ZBTB44: variants seen among roughly 807,000 people sequenced by gnomAD.
ZBTB44 encodes the protein zinc finger and BTB domain containing 44, also known as zinc finger and BTB domain-containing protein 44.
A neutral mutation model predicts 54.0 loss-of-function variants in ZBTB44; 15 were observed. The ratio of observed to expected loss-of-function variants is 0.28; its 90% confidence interval spans 0.19 to 0.43. ZBTB44 has a LOEUF of 0.43. Ranked by LOEUF, ZBTB44 falls within the 20% of genes least tolerant of loss-of-function variation. ZBTB44 has a pLI of 1.00. For missense variants in ZBTB44, 487 were observed against 707.1 expected (o/e 0.69, Z 3.53); for synonymous variants, 230 against 250.1 (o/e 0.92, Z 0.76).
At chr11:130,289,956 C>T (rs1254279913) in intron 1 of ZBTB44, among the ~76,000 whole-genome samples, 1 of 152,172 alleles carries the variant, frequency 6.6e-6, no homozygotes, top group Non-Finnish European at 1.5e-5. Context: ...TGGTCAATGA[C>T]AGGACCAGCT....
chr11:130,244,172 GTTTAAAAGTGAATT>G (rs1160460467), intron 2 of ZBTB44, among the ~76,000 whole-genome samples: 1 of 152,106 alleles, frequency 6.6e-6, no homozygotes, highest in African/African-American at 2.4e-5. Context: ...TTTTCAAACA[GTTTAAAAGTGAATT>G]TTTAAAAACT....
At chr11:130,235,970 A>T (rs985415068) in intron 5 of ZBTB44, 1 of 774,482 alleles carries the variant, frequency 1.3e-6, no homozygotes. Flanking sequence ...TCCATCTCAA[A>T]AAAAAAAAAA....
intron 1 of ZBTB44, chr11:130,295,589 T>C (rs903377372): frequency 3.3e-5 from 24 of 727,668 alleles, no homozygotes; most frequent in South Asian, 4.7e-5. Context: ...GGATACTTCA[T>C]TTGCTTCTCT....
At chr11:130,300,988 A>ATT (rs140140699) in intron 1 of ZBTB44, among the ~76,000 whole-genome samples, 11 of 150,202 alleles carry the variant, frequency 7.3e-5, no homozygotes, top group African/African-American at 2.7e-4. Flanking sequence ...ACTCTCTCAG[A>ATT]TTTTTTTTTT....
chr11:130,238,385 C>T (rs1009479018), intron 4 of ZBTB44, 59 bp downstream of exon 4: 19 of 1,448,442 alleles, frequency 1.3e-5, no homozygotes, highest in Middle Eastern at 3.6e-4. Flanking sequence ...TTAACTGGGA[C>T]TGCAAAATAA....
intron 1 of ZBTB44, among the ~76,000 whole-genome samples, chr11:130,304,545 G>A (rs1236333537): frequency 2.0e-5 from 3 of 152,036 alleles, no homozygotes; most frequent in Non-Finnish European, 4.4e-5. Flanking sequence ...AGACATGGAG[G>A]ATACAGCATG....
chr11:130,235,656 T>C (rs1401282707), intron 5 of ZBTB44, among the ~76,000 whole-genome samples: 1 of 151,472 alleles, frequency 6.6e-6, no homozygotes, highest in Non-Finnish European at 1.5e-5. Flanking sequence ...CAAGACCCTA[T>C]CTATTCAATT....
At chr11:130,307,489 T>C (rs1942343434) in intron 1 of ZBTB44, among the ~76,000 whole-genome samples, 1 of 152,174 alleles carries the variant, frequency 6.6e-6, no homozygotes, top group African/African-American at 2.4e-5. Context: ...TCAATCCATC[T>C]TGATTTTTAC....
chr11:130,259,268 G>A lies in ZBTB44; in HGVS notation c.1018+1588C>T, dbSNP rs187039558. Among the ~76,000 whole-genome samples the A allele has an allele frequency of 1.6e-4, 25 of 152,300 alleles. No homozygotes were observed. In the East Asian group the frequency reaches 4.1e-3, roughly 25 times the overall value. On this transcript the variant is annotated intron_variant, in intron 2 of 7. Coordinates refer to ENST00000357899, the MANE Select transcript of ZBTB44 (RefSeq NM_001301098.2). ...TTTAATGAGATACCATCTCACACCAGTTAGAATGGTGATCATTAAAAAGTC... is the reference window on the plus strand; with the variant it reads ...TTTAATGAGATACCATCTCACACCAATTAGAATGGTGATCATTAAAAAGTC...
chr11:130,243,947 T>C (rs1186320755), intron 2 of ZBTB44, among the ~76,000 whole-genome samples: 1 of 152,114 alleles, frequency 6.6e-6, no homozygotes, highest in African/African-American at 2.4e-5. Flanking sequence ...GCTTAACGTG[T>C]GGGGCAACTT....
intron 1 of ZBTB44, among the ~76,000 whole-genome samples, chr11:130,306,278 G>A (rs1016497191): frequency 6.6e-5 from 10 of 151,916 alleles, no homozygotes; most frequent in Non-Finnish European, 1.2e-4. Flanking sequence ...TGAGGTGGGC[G>A]GATCACCTGA....
intron 1 of ZBTB44, among the ~76,000 whole-genome samples, chr11:130,271,598 A>G (rs1345512119): frequency 6.6e-6 from 1 of 152,254 alleles, no homozygotes. Context: ...GAATGGAATC[A>G]TATAATAATG....
intron 5 of ZBTB44, among the ~76,000 whole-genome samples, chr11:130,234,587 G>A (rs1954023909): frequency 6.6e-6 from 1 of 152,116 alleles, no homozygotes; most frequent in African/African-American, 2.4e-5. Context: ...CAAAACAAAT[G>A]TAGCATGCTC....
intron 2 of ZBTB44, among the ~76,000 whole-genome samples, chr11:130,245,551 C>T (rs1954605081): frequency 6.6e-6 from 1 of 152,176 alleles, no homozygotes; most frequent in African/African-American, 2.4e-5. Context: ...CAAAGGCTTG[C>T]CCCAAAACGC....
rs60251488 is a variant in ZBTB44 at position 130,259,328 on chromosome 11, A to G, written c.1018+1528T>C. Among the ~76,000 whole-genome samples the G allele has an allele frequency of 9.2e-3, 1,405 of 152,350 alleles. 23 individuals carry two copies. The highest frequency in any genetic ancestry group is 0.032 in the African/African-American group (1,345 of 41,580). ...CAGATGCTGTTGAGGATGTGGAGAA[A>G]TAGGAAATGCTTTTACACTGTTGGT... is the stretch of plus-strand genomic sequence containing the variant. On this transcript the variant is annotated intron_variant, in intron 2 of 7. Coordinates refer to ENST00000357899, the MANE Select transcript of ZBTB44 (RefSeq NM_001301098.2).
chr11:130,261,903 CA>C lies in ZBTB44; in HGVS notation c.-31del. On this transcript the variant is annotated 5_prime_UTR_variant, in exon 2 of 8. Coordinates refer to ENST00000357899, the MANE Select transcript of ZBTB44 (RefSeq NM_001301098.2). The surrounding 1 kb of genome is among the most constrained non-coding windows in gnomAD (Gnocchi z 4.8). ...TACTTCCTCTTCTACAGATGCTCTTCAAGGATGCAAATAAATCAGAAATGTC... is the reference window on the plus strand; with the variant it reads ...TACTTCCTCTTCTACAGATGCTCTTCAGGATGCAAATAAATCAGAAATGTC... The C allele has an allele frequency of 6.5e-7, 1 of 1,549,450 alleles. No individual in the cohort carries two copies. The highest frequency in any genetic ancestry group is 8.7e-7 in the Non-Finnish European group (1 of 1,150,104).
At chr11:130,301,767 G>A (rs1482146647) in intron 1 of ZBTB44, among the ~76,000 whole-genome samples, 1 of 152,140 alleles carries the variant, frequency 6.6e-6, no homozygotes, top group Admixed American at 6.5e-5. Context: ...AGTAACAATA[G>A]GCAAGGTGCA....
intron 1 of ZBTB44, among the ~76,000 whole-genome samples, chr11:130,275,803 T>C (rs1182292728): frequency 2.6e-5 from 4 of 152,026 alleles, no homozygotes; most frequent in African/African-American, 9.7e-5. Flanking sequence ...AATTTTTGTA[T>C]TTTTAGTAAA....
chr11:130,289,530 G>A (rs1349449089), intron 1 of ZBTB44, among the ~76,000 whole-genome samples: 1 of 139,294 alleles, frequency 7.2e-6, no homozygotes, highest in African/African-American at 2.7e-5. Flanking sequence ...TCAAGAGAAT[G>A]TTTATCTGGC....
Sources: gnomAD v4.1 joint callset for allele counts (sites outside exome capture counted in the v4.1 genomes callset) on GRCh38, gnomAD v4.1.1 for gene constraint, Gnocchi (gnomAD v3.1) non-coding constraint, MANE v1.5 for transcripts, NCBI Gene and HGNC (gene_info 2026-07-23, HGNC 2026-07-21) for gene names.